Variants in ADGRV1 observed in about 807,000 individuals in gnomAD.
ADGRV1 encodes the protein adhesion G protein-coupled receptor V1.
ADGRV1 carries 359 observed loss-of-function variants against 596.2 expected under a neutral mutation model. That is an observed-to-expected ratio of 0.60 (90% CI 0.55 to 0.66). The LOEUF (loss-of-function observed/expected upper bound fraction) is 0.66, where lower values mean the gene tolerates loss of function less well. ADGRV1 is among the 30% of genes least tolerant of loss of function. The pLI is 0.00. For synonymous variants in ADGRV1, 2,681 were observed against 2,679.2 expected, an observed-to-expected ratio of 1.00 and a Z score of -0.02; for missense variants, 7,274 against 7,575.6, an observed-to-expected ratio of 0.96 and a Z score of 1.48.
chr5:90,579,101 C>G (rs949743904), intron 1 of ADGRV1, among the ~76,000 whole-genome samples: 1 of 152,064 alleles, frequency 6.6e-6, no homozygotes, highest in African/African-American at 2.4e-5. Context: ...GTGTCTCTGT[C>G]TCCTTCAGTT....
intron 87 of ADGRV1, among the ~76,000 whole-genome samples, chr5:91,114,006 C>T (rs984628850): frequency 4.6e-5 from 7 of 151,698 alleles, no homozygotes; most frequent in African/African-American, 1.7e-4. Flanking sequence ...ATCATGTGGT[C>T]AGGAGTTTGA....
intron 82 of ADGRV1, among the ~76,000 whole-genome samples, chr5:90,857,032 T>C (rs1489387826): frequency 6.6e-6 from 1 of 152,138 alleles, no homozygotes; most frequent in Non-Finnish European, 1.5e-5. Context: ...CTTTCCAATA[T>C]AACTTTATTT....
rs72782753 is a variant in ADGRV1 at position 90,674,063 on chromosome 5, A to G, written c.4939A>G (p.Ile1647Val). The G allele has an allele frequency of 6.4e-3, 10,266 of 1,608,794 alleles. 53 individuals carry two copies. Among genetic ancestry groups the G allele is most frequent in the Non-Finnish European group, 7.7e-3 (9,065 of 1,175,872 alleles). The stretch of plus-strand genomic sequence containing the variant: ...ATATTTATATTTTTAGGTTCTGAAT[A>G]TATATGTTCTTGATGATGATATTCC... ...LPWQRSEVLN[I>V]YVLDDDIPEL... The change falls in exon 23 of 90, where the codon ATA becomes GTA. Residue 1647 changes from isoleucine to valine, a missense_variant. Coordinates refer to ENST00000405460, the MANE Select transcript of ADGRV1 (RefSeq NM_032119.4).
At chr5:90,948,167 C>G (rs939527193) in intron 83 of ADGRV1, among the ~76,000 whole-genome samples, 10 of 152,090 alleles carry the variant, frequency 6.6e-5, no homozygotes, top group South Asian at 2.1e-4. Context: ...ACTTCCCTGA[C>G]ATTATTCTGT....
At chr5:91,067,254 C>T (rs779111831) in intron 85 of ADGRV1, among the ~76,000 whole-genome samples, 2 of 150,786 alleles carry the variant, frequency 1.3e-5, no homozygotes, top group Non-Finnish European at 2.9e-5. Context: ...TGTGATTCTC[C>T]TGCCTTAGCC....
chr5:90,723,934 T>C (rs1238097473), intron 45 of ADGRV1, among the ~76,000 whole-genome samples: 1 of 150,190 alleles, frequency 6.7e-6, no homozygotes, highest in Non-Finnish European at 1.5e-5. Context: ...TTTTTTTTTC[T>C]TTTTTTTTGT....
chr5:90,851,385 TAAG>T (rs1766512019), intron 79 of ADGRV1, among the ~76,000 whole-genome samples: 1 of 151,394 alleles, frequency 6.6e-6, no homozygotes, highest in Non-Finnish European at 1.5e-5. Context: ...ACACAGAAAA[TAAG>T]AGAGAGATCA....
At chr5:90,866,055 G>A (rs1380297151) in intron 83 of ADGRV1, among the ~76,000 whole-genome samples, 1 of 152,122 alleles carries the variant, frequency 6.6e-6, no homozygotes, top group African/African-American at 2.4e-5. Flanking sequence ...GACCTAGAGT[G>A]TTTGAGTTGT....
At position 90,674,159 on chromosome 5, in the gene ADGRV1, C is replaced by T; in HGVS notation, c.5035C>T (p.Pro1679Ser). ...IPGDGKLGST[P>S]TSGASIDPEK... ...TGGAGATGGGAAGCTAGGCTCAACT[C>T]CTACCAGTGGTGCAAGCATAGATCC... Residue 1679 changes from proline (P) to serine (S), a missense_variant, in exon 23 of 90, where the codon CCT (proline) becomes TCT (serine). Physicochemically the swap from Pro to Ser is moderately conservative, Grantham distance 74. Around this residue, in one of 5 missense-constraint regions of ADGRV1, gnomAD observed 3,643 missense variants for 3,809.2 expected, o/e 0.96. Transcript: ENST00000405460. 4 of 1,613,582 alleles carry T rather than the reference C, an allele frequency of 2.5e-6. No individual in the cohort carries two copies. Among genetic ancestry groups the T allele is most frequent in the Non-Finnish European group, 2.5e-6 (3 of 1,179,722 alleles).
chr5:90,771,235 C>T (rs539232181), intron 59 of ADGRV1, among the ~76,000 whole-genome samples: 61 of 152,186 alleles, frequency 4.0e-4, no homozygotes, highest in African/African-American at 1.3e-3. Flanking sequence ...TTACTATCTT[C>T]GCAATCTTGG....
intron 87 of ADGRV1, among the ~76,000 whole-genome samples, chr5:91,110,337 T>C (rs1170151269): frequency 6.6e-6 from 1 of 152,184 alleles, no homozygotes; most frequent in Non-Finnish European, 1.5e-5. Flanking sequence ...GTCCAAACCT[T>C]GCAGGTGTTC....
chr5:91,159,378 G>C (rs1796751504), intron 89 of ADGRV1, among the ~76,000 whole-genome samples: 2 of 152,144 alleles, frequency 1.3e-5, no homozygotes, highest in African/African-American at 4.8e-5. Flanking sequence ...ATACTTTGTT[G>C]CATACTTCAA....
intron 35 of ADGRV1, among the ~76,000 whole-genome samples, chr5:90,704,081 A>C (rs1748268739): frequency 6.6e-6 from 1 of 151,978 alleles, no homozygotes; most frequent in Admixed American, 6.6e-5. Context: ...AGTTTTTTCT[A>C]CTCACCATTG....
rs573293899 is a variant in ADGRV1, at chr5:90,808,006, TCTC to T, written c.14972+273_14972+275del. On this transcript the variant is annotated intron_variant, in intron 73 of 89. Transcript: ENST00000405460. ...CTCCACTAAGAGCCATGATGGCAGT[TCTC>T]CTCTTGTTAAAGACAGCTATCTTCT... Among the ~76,000 whole-genome samples the T allele has an allele frequency of 1.4e-3, 219 of 152,264 alleles. 2 individuals are homozygous for T. The highest frequency in any genetic ancestry group is 0.01 in the Middle Eastern group (3 of 294).
intron 86 of ADGRV1, among the ~76,000 whole-genome samples, chr5:91,088,373 AT>A (rs576851059): frequency 6.6e-6 from 1 of 152,004 alleles, no homozygotes; most frequent in Non-Finnish European, 1.5e-5. Flanking sequence ...ATGAAAAAAA[AT>A]TTTTTTTACA....
intron 47 of ADGRV1, 48 bp downstream of exon 47, chr5:90,725,280 T>A (rs112634789): frequency 9.0e-7 from 1 of 1,110,466 alleles, no homozygotes; most frequent in Non-Finnish European, 1.2e-6. Context: ...TAAAAGAAAT[T>A]AAGATTTGTA....
chr5:90,732,710 G>T (rs979247481), intron 50 of ADGRV1, among the ~76,000 whole-genome samples: 5 of 152,178 alleles, frequency 3.3e-5, no homozygotes, highest in Admixed American at 1.3e-4. Context: ...GGCAGTACTT[G>T]TCTGAGTCTG....
intron 85 of ADGRV1, among the ~76,000 whole-genome samples, chr5:91,013,412 G>A (rs1782887804): frequency 1.3e-5 from 2 of 152,068 alleles, no homozygotes; most frequent in South Asian, 4.1e-4. Context: ...GTTCTGACTG[G>A]TGTAAGATGG....
chr5:90,886,819 T>C (rs1349096844), intron 83 of ADGRV1, among the ~76,000 whole-genome samples: 1 of 152,216 alleles, frequency 6.6e-6, no homozygotes, highest in Non-Finnish European at 1.5e-5. Flanking sequence ...TTGCTATAAG[T>C]GTATTCAGCT....
Sources: gnomAD v4.1 joint callset for allele counts (sites outside exome capture counted in the v4.1 genomes callset) on GRCh38, gnomAD v4.1.1 for gene constraint, gnomAD v4.1.1 regional missense constraint, MANE v1.5 for transcripts, NCBI Gene and HGNC (gene_info 2026-07-23, HGNC 2026-07-21) for gene names.